The following PDE10A variants were observed in gnomAD, a reference collection of about 807,000 sequenced individuals.
The protein encoded by PDE10A is phosphodiesterase 10A.
A neutral mutation model predicts 97.7 loss-of-function variants in PDE10A; 39 were observed. The ratio of observed to expected loss-of-function variants is 0.40; its 90% CI spans 0.31 to 0.52. The LOEUF (loss-of-function observed/expected upper bound fraction) is 0.52, where lower values mean the gene tolerates loss of function less well. PDE10A is among the 20% of genes least tolerant of loss of function. The pLI, the probability that PDE10A is intolerant of heterozygous loss-of-function variation, is 0.56. For synonymous variants in PDE10A, 371 were observed against 376.8 expected, an observed-to-expected ratio of 0.98 and a Z score of 0.18; for missense variants, 731 against 1,047.8, an observed-to-expected ratio of 0.70 and a Z score of 4.17.
At chr6:165,895,000 A>G (rs951947049) in intron 1 of PDE10A, among the ~76,000 whole-genome samples, 2 of 152,160 alleles carry the variant, frequency 1.3e-5, no homozygotes, top group Admixed American at 1.3e-4. Flanking sequence ...GGTAGTTCTG[A>G]TAAATAGCCA....
intron 1 of PDE10A, among the ~76,000 whole-genome samples, chr6:165,837,055 G>T (rs1029392321): frequency 8.1e-5 from 10 of 124,088 alleles, no homozygotes; most frequent in Non-Finnish European, 1.2e-4. Context: ...GTTGTGGGGT[G>T]GGGGGAGGGG....
chr6:165,552,140 C>T (rs1784049621), intron 1 of PDE10A, among the ~76,000 whole-genome samples: 2 of 152,166 alleles, frequency 1.3e-5, no homozygotes, highest in Non-Finnish European at 2.9e-5. Flanking sequence ...CCCTCCTCCT[C>T]CTACACTTCA....
At chr6:165,729,017 G>A (rs1792362415) in intron 1 of PDE10A, among the ~76,000 whole-genome samples, 1 of 152,248 alleles carries the variant, frequency 6.6e-6, no homozygotes, top group South Asian at 2.1e-4. Flanking sequence ...GGACAACATG[G>A]TGAGACCCTA....
At chr6:165,333,215 C>T in intron 21 of PDE10A, 88 bp from the exon 22 acceptor site, 1 of 811,014 alleles carries the variant, frequency 1.2e-6, no homozygotes. Flanking sequence ...TCCTGTGGCA[C>T]AGCTCTGCAC....
intron 1 of PDE10A, among the ~76,000 whole-genome samples, chr6:165,634,812 G>T (rs1435782158): frequency 1.3e-5 from 2 of 152,186 alleles, no homozygotes; most frequent in Non-Finnish European, 2.9e-5. Context: ...ATGTGCACGT[G>T]CCCCAAGTGT....
chr6:165,874,406 A>G (rs1781281384), intron 1 of PDE10A, among the ~76,000 whole-genome samples: 4 of 152,138 alleles, frequency 2.6e-5, no homozygotes, highest in Admixed American at 2.6e-4. Flanking sequence ...TAAGCAGGGT[A>G]CCTTGATTCT....
At chr6:165,615,992 A>C (rs1787709395) in intron 1 of PDE10A, among the ~76,000 whole-genome samples, 1 of 152,186 alleles carries the variant, frequency 6.6e-6, no homozygotes, top group South Asian at 2.1e-4. Flanking sequence ...CTGATTTTTT[A>C]CCCACAAATT....
At chr6:165,605,350 G>C (rs73786663) in intron 1 of PDE10A, among the ~76,000 whole-genome samples, 1,745 of 152,320 alleles carry the variant, frequency 0.011, 32 homozygotes, top group African/African-American at 0.039. Flanking sequence ...GTCGCATTCA[G>C]GGGGCTGGGA....
intron 3 of PDE10A, among the ~76,000 whole-genome samples, chr6:165,459,490 TAGATAGATAGATAGATAG>T (rs1449157486): frequency 2.3e-5 from 1 of 43,782 alleles, no homozygotes; most frequent in Admixed American, 2.4e-4. Flanking sequence ...TCTAATGCAT[TAGATAGATAGATAGATAG>T]ATAGATAGAT....
chr6:165,448,479 T>C lies in PDE10A; in HGVS notation c.1194+449A>G, dbSNP rs915553038. On this transcript the variant is annotated intron_variant, in intron 5 of 21. Transcript: ENST00000539869. ...ACTACAGTAAGGCAGCTTAGGGATC[T>C]AGACACAAAGCCCTAGGACTTTTAG... 3.3e-5 allele frequency among the ~76,000 whole-genome samples: 5 copies of C among 152,270 alleles called. 1 individual carries two copies. The highest frequency in any genetic ancestry group is 6.8e-3 in the Middle Eastern group (2 of 294).
intron 1 of PDE10A, among the ~76,000 whole-genome samples, chr6:165,607,817 G>GT (rs1467557790): frequency 6.6e-6 from 1 of 152,080 alleles, no homozygotes; most frequent in Non-Finnish European, 1.5e-5. Context: ...CATCACCTGT[G>GT]TATCTGCTAC....
intron 1 of PDE10A, among the ~76,000 whole-genome samples, chr6:165,837,609 C>G (rs934983024): frequency 7.3e-5 from 11 of 150,326 alleles, no homozygotes; most frequent in Non-Finnish European, 1.5e-4. Context: ...ATGTTTAACT[C>G]AAGGAGTCCT....
chr6:165,490,658 C>T (rs1780174238), intron 2 of PDE10A, among the ~76,000 whole-genome samples: 1 of 152,130 alleles, frequency 6.6e-6, no homozygotes, highest in African/African-American at 2.4e-5. Flanking sequence ...CACAGAATGG[C>T]AGAATAGGTA....
chr6:165,753,810 T>C (rs1458270132), intron 1 of PDE10A, among the ~76,000 whole-genome samples: 1 of 152,230 alleles, frequency 6.6e-6, no homozygotes, highest in African/African-American at 2.4e-5. Context: ...TTTTCCATAT[T>C]GGAATGAGCA....
chr6:165,367,241 ATG>A (rs58370634), intron 18 of PDE10A, among the ~76,000 whole-genome samples: 79,764 of 147,068 alleles, frequency 0.54, 22,161 homozygotes, highest in African/African-American at 0.7. Flanking sequence ...ACACACACAT[ATG>A]TGTGTGTGTG....
intron 3 of PDE10A, among the ~76,000 whole-genome samples, chr6:165,460,612 C>T (rs185218500): frequency 2.0e-5 from 3 of 152,266 alleles, no homozygotes; most frequent in East Asian, 3.9e-4. Flanking sequence ...CAATTCAACC[C>T]GCTCAATTTA....
At chr6:165,944,482 G>A (rs1490869678) in intron 1 of PDE10A, among the ~76,000 whole-genome samples, 1 of 152,194 alleles carries the variant, frequency 6.6e-6, no homozygotes, top group Non-Finnish European at 1.5e-5. Flanking sequence ...TCTTTCTCAA[G>A]GTGATCTTTT....
At chr6:165,383,495 T>C (rs1293104364) in intron 17 of PDE10A, among the ~76,000 whole-genome samples, 2 of 152,146 alleles carry the variant, frequency 1.3e-5, no homozygotes, top group African/African-American at 4.8e-5. Flanking sequence ...CTGCTCAGTG[T>C]CTCAGTTCTC....
chr6:165,772,786 A>C (rs1455370783), intron 1 of PDE10A, among the ~76,000 whole-genome samples: 3 of 152,148 alleles, frequency 2.0e-5, no homozygotes, highest in African/African-American at 4.8e-5. Flanking sequence ...AGAGTGAAAA[A>C]TCCGAAAGAC....
Sources: allele counts gnomAD v4.1 joint callset (sites outside exome capture counted in the v4.1 genomes callset), GRCh38; gene constraint gnomAD v4.1.1; transcripts MANE v1.5; gene names NCBI Gene and HGNC (gene_info 2026-07-23, HGNC 2026-07-21).